GRIN3B: variants seen among roughly 807,000 people sequenced by gnomAD.
The protein encoded by GRIN3B is glutamate ionotropic receptor NMDA type subunit 3B.
In GRIN3B, 77 loss-of-function variants were observed where a neutral mutation model predicts 66.0. The observed-to-expected ratio is 1.17, with a 90% confidence interval of 0.97 to 1.41. The LOEUF is 1.41. Among genes scored for constraint, GRIN3B ranks in the 40% most tolerant of loss-of-function variants. The pLI is 0.00. For missense variants in GRIN3B, 1,787 were observed against 1,564.5 expected (o/e 1.14, Z -2.40); for synonymous variants, 823 against 749.7 (o/e 1.10, Z -1.60).
intron 1 of GRIN3B, among the ~76,000 whole-genome samples, chr19:1,001,286 G>C (rs993187019): frequency 6.6e-6 from 1 of 151,962 alleles, no homozygotes; most frequent in Non-Finnish European, 1.5e-5. Flanking sequence ...CTGGAGGACA[G>C]GCGGTCTCCC....
chr19:1,006,115 G>C (rs866111130), intron 3 of GRIN3B, among the ~76,000 whole-genome samples: 1 of 152,152 alleles, frequency 6.6e-6, no homozygotes, highest in Non-Finnish European at 1.5e-5. Context: ...CTCCCAAAGT[G>C]CTGGGATTAC....
chr19:1,004,511 C>CCCCCCCCCCGG lies in GRIN3B; in HGVS notation c.1020-10_1020-9insCCCCCCCCCGG. 6.4e-7 allele frequency: 1 copy of CCCCCCCCCCGG among 1,562,590 alleles called. No individual in the cohort carries two copies. On this transcript the variant is annotated splice_polypyrimidine_tract_variant and intron_variant, in intron 2 of 8. Coordinates refer to ENST00000234389, the MANE Select transcript of GRIN3B (RefSeq NM_138690.3). ...TTCGACACCTGACACCCCCCCCGCCCTGCCCCTAGGTTCCTGGCCAACACG... is the reference window on the plus strand; with the variant it reads ...TTCGACACCTGACACCCCCCCCGCCCCCCCCCCCCGGTGCCCCTAGGTTCCTGGCCAACACG...
In GRIN3B at chr19:1,007,631, C is replaced by A. The variant is rs1245771547; in HGVS notation, c.2056C>A (p.His686Asn). 5 of 1,507,284 alleles carry A rather than the reference C, an allele frequency of 3.3e-6. No individual in the cohort carries two copies. The highest frequency in any genetic ancestry group is 4.4e-6 in the Non-Finnish European group (5 of 1,131,252). 93.4% of individuals were successfully genotyped at this position (1,507,284 alleles called of 1,614,324 possible). Reference sequence around the variant, plus strand: ...GCTGACGGGGTCCCCCGCGCAGCTGCACCACCCGGCGCAGGGCTTCCGCTT... The same window carrying A: ...GCTGACGGGGTCCCCCGCGCAGCTGAACCACCCGGCGCAGGGCTTCCGCTT... Reference protein sequence around the residue: ...ELSGIHDPKLHHPAQGFRFGT... With the variant: ...ELSGIHDPKLNHPAQGFRFGT... The change falls in exon 4 of 9, where the codon CAC (histidine) becomes AAC (asparagine). Residue 686 changes from histidine to asparagine, a missense_variant. By Grantham distance (68) the His-to-Asn change is moderately conservative. Coordinates refer to ENST00000234389, the MANE Select transcript of GRIN3B (RefSeq NM_138690.3). This position sits in a 1 kb window ranked among gnomAD's most constrained non-coding sequence, Gnocchi z 4.4.
intron 1 of GRIN3B, among the ~76,000 whole-genome samples, 180 bp downstream of exon 1, chr19:1,001,043 G>A (rs1010721535): frequency 1.3e-5 from 2 of 152,136 alleles, no homozygotes; most frequent in African/African-American, 4.8e-5. Context: ...CCCGGAGCAA[G>A]GAAACCAGAA....
Position 1,004,850 on chromosome 19 carries a change from C to A in GRIN3B, c.1349C>A (p.Thr450Asn). 6.2e-7 allele frequency: 1 copy of A among 1,611,868 alleles called. No individual in the cohort carries two copies. Among genetic ancestry groups the A allele is most frequent in the South Asian group, 1.1e-5 (1 of 91,024 alleles). ...GGGCAGCTGTGCCTGGACCCTGGCA[C>A]CAACGACTCGGCCACCCTGGACGCA... ...PAGQLCLDPG[T>N]NDSATLDALF... is the part of the protein sequence containing the mutation. The change falls in exon 3 of 9, where the codon ACC (threonine) becomes AAC (asparagine). Residue 450 changes from threonine (T) to asparagine (N), a missense_variant. By Grantham distance (65) the Thr-to-Asn change is moderately conservative. Transcript: ENST00000234389.
Position 1,000,569 on chromosome 19 carries a change from C to T in GRIN3B, c.132C>T (p.Pro44=). 1.9e-6 allele frequency: 2 copies of T among 1,054,714 alleles called. No homozygotes were observed. Among genetic ancestry groups the T allele is most frequent in the Non-Finnish European group, 2.3e-6 (2 of 877,490 alleles). 65.3% of individuals were successfully genotyped at this position (1,054,714 alleles called of 1,614,324 possible). Residue 44 remains proline (P), a synonymous_variant, in exon 1 of 9, where the codon CCC becomes CCT. Transcript: ENST00000234389. ...GGSVRLGALL[P]RAPLARARAR... The stretch of plus-strand genomic sequence containing the variant: ...CCGTGCGCCTGGGCGCCCTCCTGCC[C>T]CGCGCGCCTCTCGCCCGCGCCCGCG...
Position 1,008,692 on chromosome 19 carries a change from C to G in GRIN3B, c.2541C>G (p.Leu847=), listed in dbSNP as rs1001631342. ...LLCLGLGSAL[L]SSLGEHAFFR... is the part of the protein sequence containing the mutation. ...GCCTGGGCCTGGGCAGCGCTCTGCT[C>G]AGCTCGCTGGGCGAGCACGCCTTCT... is the stretch of plus-strand genomic sequence containing the variant. The change falls in exon 7 of 9, where the codon CTC becomes CTG. Residue 847 remains leucine, a synonymous_variant. Coordinates refer to ENST00000234389, the MANE Select transcript of GRIN3B (RefSeq NM_138690.3). 6 of 1,607,204 alleles carry G rather than the reference C, an allele frequency of 3.7e-6. No homozygotes were observed. The highest frequency in any genetic ancestry group is 4.2e-6 in the Non-Finnish European group (5 of 1,179,732).
intron 3 of GRIN3B, among the ~76,000 whole-genome samples, chr19:1,006,289 C>G (rs984838663): frequency 4.6e-5 from 7 of 151,108 alleles, no homozygotes; most frequent in African/African-American, 1.7e-4. Context: ...GCTGGGATTA[C>G]AGGTGTGCAC....
At position 1,005,283 on chromosome 19, in the gene GRIN3B, G is replaced by T; in HGVS notation, c.1782G>T (p.Val594=). The T allele has an allele frequency of 1.2e-6, 2 of 1,613,584 alleles. No homozygotes were observed. The highest frequency in any genetic ancestry group is 1.7e-6 in the Non-Finnish European group (2 of 1,179,992). The change falls in exon 3 of 9, where the codon GTG becomes GTT. Residue 594 remains valine, a synonymous_variant. Coordinates refer to ENST00000234389, the MANE Select transcript of GRIN3B (RefSeq NM_138690.3). This position sits in a 1 kb window ranked among gnomAD's most constrained non-coding sequence, Gnocchi z 5.2. Reference sequence around the variant, plus strand: ...ACCTCACCGCGCTCTTCCTCACCGTGTACGAGTGGCGTAGCCCCTACGGCC... The same window carrying T: ...ACCTCACCGCGCTCTTCCTCACCGTTTACGAGTGGCGTAGCCCCTACGGCC... The part of the protein sequence containing the change: ...ALHLTALFLT[V]YEWRSPYGLT...
At position 1,008,168 on chromosome 19, in the gene GRIN3B, G is replaced by A. The variant is rs143367252; in HGVS notation, c.2343G>A (p.Ser781=). The A allele has an allele frequency of 7.2e-5, 115 of 1,603,660 alleles. No individual in the cohort carries two copies. Among genetic ancestry groups the A allele is most frequent in the Middle Eastern group, 1.7e-4 (1 of 6,050 alleles). ...ATGGGATCGGACTGCCCCAGAACTCGCCGCTCACCTCCAACCTGTCCGAGT... is the reference window on the plus strand; with the variant it reads ...ATGGGATCGGACTGCCCCAGAACTCACCGCTCACCTCCAACCTGTCCGAGT... ...EGYGIGLPQN[S]PLTSNLSEFI... is the part of the protein sequence containing the mutation. Residue 781 remains serine (S), a synonymous_variant, in exon 6 of 9, where the codon TCG becomes TCA. Coordinates refer to ENST00000234389, the MANE Select transcript of GRIN3B (RefSeq NM_138690.3).
At position 1,005,477 on chromosome 19, in the gene GRIN3B, G is replaced by A. The variant is rs754667370; in HGVS notation, c.1976G>A (p.Ser659Asn). 8.7e-6 allele frequency: 14 copies of A among 1,613,250 alleles called. No individual in the cohort carries two copies. Among genetic ancestry groups the A allele is most frequent in the Admixed American group, 6.7e-5 (4 of 59,996 alleles). ...ATCTTCTGCCTGCTGGTGCTGTCCAGCTACACGGCCAACCTGGCTGCCGTC... is the reference window on the plus strand; with the variant it reads ...ATCTTCTGCCTGCTGGTGCTGTCCAACTACACGGCCAACCTGGCTGCCGTC... ...WAIFCLLVLS[S>N]YTANLAAVMV... The change falls in exon 3 of 9, where the codon AGC becomes AAC. Residue 659 changes from serine (S) to asparagine (N), a missense_variant. By Grantham distance (46) the Ser-to-Asn change is conservative. Coordinates refer to ENST00000234389, the MANE Select transcript of GRIN3B (RefSeq NM_138690.3). The surrounding 1 kb of genome is among the most constrained non-coding windows in gnomAD (Gnocchi z 5.2).
At position 1,009,434 on chromosome 19, in the gene GRIN3B, C is replaced by T; in HGVS notation, c.2964C>T (p.Arg988=). ...PQPGELQELE[R]RIEVARERLR... ...CCGGGGAGCTGCAGGAGCTGGAGCG[C>T]CGCATCGAAGTCGCGCGTGAGCGGC... The change falls in exon 9 of 9, where the codon CGC becomes CGT. Residue 988 remains arginine, a synonymous_variant. Transcript: ENST00000234389. 6.9e-7 allele frequency: 1 copy of T among 1,459,026 alleles called. No individual in the cohort carries two copies. Among genetic ancestry groups the T allele is most frequent in the Non-Finnish European group, 9.0e-7 (1 of 1,112,008 alleles). The allele number at this position is 1,459,026 out of a possible 1,614,324, so 90.4% of individuals were successfully genotyped here. A position where few individuals can be genotyped will look rare whatever the true frequency, so the allele number is the denominator to read the frequency against.
rs935861107 is a variant in GRIN3B, at chr19:1,003,504, G to C, written c.801G>C (p.Lys267Asn). 3 of 1,534,500 alleles carry C rather than the reference G, an allele frequency of 2.0e-6. No individual in the cohort carries two copies. The highest frequency in any genetic ancestry group is 2.6e-6 in the Non-Finnish European group (3 of 1,145,326). ...TGTTGGGGACACCACTGCCGCCCAAGGCCCTGCCCACCGCGGGGCTGCCAC... is the reference window on the plus strand; with the variant it reads ...TGTTGGGGACACCACTGCCGCCCAACGCCCTGCCCACCGCGGGGCTGCCAC... ...HWLLGTPLPP[K>N]ALPTAGLPPG... is the part of the protein sequence containing the mutation. Residue 267 changes from lysine to asparagine, a missense_variant, in exon 2 of 9, where the codon AAG becomes AAC. Lys to Asn is a moderately conservative substitution (Grantham distance 94, BLOSUM62 0). Coordinates refer to ENST00000234389, the MANE Select transcript of GRIN3B (RefSeq NM_138690.3).
In GRIN3B at chr19:1,007,709, G is replaced by A. The variant is rs2038767503; in HGVS notation, c.2134G>A (p.Asp712Asn). Residue 712 changes from aspartate to asparagine, a missense_variant, in exon 4 of 9, where the codon GAC becomes AAC. Transcript: ENST00000234389. This position sits in a 1 kb window ranked among gnomAD's most constrained non-coding sequence, Gnocchi z 4.4. ...AEAYIKKSFP[D>N]MHAHMRRHSA... ...GGCGTACATCAAGAAGAGCTTCCCC[G>A]ACATGCACGCACACATGCGGCGCCA... 4 of 1,537,182 alleles carry A rather than the reference G, an allele frequency of 2.6e-6. No homozygotes were observed. Among genetic ancestry groups the A allele is most frequent in the East Asian group, 2.5e-5 (1 of 39,958 alleles).
In GRIN3B at chr19:1,008,295, G is replaced by T. The variant is rs927296497; in HGVS notation, c.2466+4G>T. The T allele has an allele frequency of 1.3e-6, 2 of 1,571,664 alleles. No individual in the cohort carries two copies. Among genetic ancestry groups the T allele is most frequent in the African/African-American group, 2.7e-5 (2 of 74,158 alleles). On this transcript the variant is annotated splice_donor_region_variant and intron_variant, in intron 6 of 8. Transcript: ENST00000234389. Reference sequence around the variant, plus strand: ...GCGGGTCTTTGCGGTTACAGAGGTGGGGCAGGGCCTGGGACAGAGGGTGGG... The same window carrying T: ...GCGGGTCTTTGCGGTTACAGAGGTGTGGCAGGGCCTGGGACAGAGGGTGGG...
Position 1,009,165 on chromosome 19 carries a change from G to A in GRIN3B, c.2703-8G>A. On this transcript the variant is annotated splice_region_variant and splice_polypyrimidine_tract_variant and intron_variant, in intron 8 of 8. Transcript: ENST00000234389. Reference sequence around the variant, plus strand: ...GGCGGACACTGACCAGGCCGGTTCCGTCCCCAGCGGCCCCGAGGTGGAGCA... The same window carrying A: ...GGCGGACACTGACCAGGCCGGTTCCATCCCCAGCGGCCCCGAGGTGGAGCA... 4 of 1,461,038 alleles carry A rather than the reference G, an allele frequency of 2.7e-6. No individual in the cohort carries two copies. In the Admixed American group the frequency reaches 7.9e-5, roughly 29 times the overall value. The allele number at this position is 1,461,038 out of a possible 1,614,324, so 90.5% of individuals were successfully genotyped here. A position where few individuals can be genotyped will look rare whatever the true frequency, so the allele number is the denominator to read the frequency against.
In GRIN3B at chr19:1,007,780, C is replaced by CCGGGCG. The variant is rs2038770028; in HGVS notation, c.2198+12_2198+17dup. On this transcript the variant is annotated splice_region_variant and intron_variant, in intron 4 of 8. Coordinates refer to ENST00000234389, the MANE Select transcript of GRIN3B (RefSeq NM_138690.3). This position sits in a 1 kb window ranked among gnomAD's most constrained non-coding sequence, Gnocchi z 4.4. ...GCGGCGTCGCCATGCTCACGTGAGC[C>CCGGGCG]CGGGCGCGGGGTGAGGCGGGGGCGG... The CCGGGCG allele has an allele frequency of 6.6e-7, 1 of 1,513,990 alleles. No individual in the cohort carries two copies. The highest frequency in any genetic ancestry group is 2.2e-5 in the Admixed American group (1 of 45,972). 93.8% of individuals were successfully genotyped at this position (1,513,990 alleles called of 1,614,324 possible). A position where few individuals can be genotyped will look rare whatever the true frequency, so the allele number is the denominator to read the frequency against.
rs1287475669 is a variant in GRIN3B, at chr19:1,004,641, C to A, written c.1140C>A (p.Ala380=). ...VWSLRRDPRG[A]PAWATVGSWR... ...GCCTTCGCCGGGACCCACGGGGCGC[C>A]CCGGCCTGGGCCACGGTGGGCAGCT... Residue 380 remains alanine, a synonymous_variant, in exon 3 of 9, where the codon GCC becomes GCA. Transcript: ENST00000234389. 6.2e-7 allele frequency: 1 copy of A among 1,601,842 alleles called. No individual in the cohort carries two copies. The highest frequency in any genetic ancestry group is 8.5e-7 in the Non-Finnish European group (1 of 1,174,698).
In GRIN3B at chr19:1,008,131, C is replaced by A. The variant is rs11882634; in HGVS notation, c.2315-9C>A. 2 of 1,584,614 alleles carry A rather than the reference C, an allele frequency of 1.3e-6. No homozygotes were observed. Among genetic ancestry groups the A allele is most frequent in the Non-Finnish European group, 1.7e-6 (2 of 1,165,620 alleles). On this transcript the variant is annotated splice_polypyrimidine_tract_variant and intron_variant, in intron 5 of 8. Transcript: ENST00000234389. ...CACCTGGCCCCACCGCCTGGCCCCG[C>A]GCCCCCAGGCTATGGGATCGGACTG... is the stretch of plus-strand genomic sequence containing the variant.
Sources: allele counts gnomAD v4.1 joint callset (sites outside exome capture counted in the v4.1 genomes callset), GRCh38; gene constraint gnomAD v4.1.1; non-coding constraint Gnocchi (gnomAD v3.1); transcripts MANE v1.5; gene names NCBI Gene and HGNC (gene_info 2026-07-23, HGNC 2026-07-21).